The following EVC2 variants were observed in gnomAD, a reference collection of about 807,000 sequenced individuals.
The protein encoded by EVC2 is limbin.
Under a neutral mutation model 149.3 loss-of-function variants are expected in EVC2, and 148 were observed. That is an observed-to-expected ratio of 0.99 (90% CI 0.87 to 1.14). EVC2 has a LOEUF of 1.14. EVC2 is among the 50% of genes most tolerant of loss of function. The pLI is 0.00. For missense variants in EVC2, 1,854 were observed against 1,627.3 expected (o/e 1.14, Z -2.40); for synonymous variants, 776 against 649.9 (o/e 1.19, Z -2.95).
At chr4:5,628,273 T>C (rs563226596) in intron 12 of EVC2, among the ~76,000 whole-genome samples, 11 of 152,172 alleles carry the variant, frequency 7.2e-5, no homozygotes, top group Non-Finnish European at 1.3e-4. Flanking sequence ...GATTAGGTCA[T>C]GAGGGATCCA....
chr4:5,692,923 C>T (rs376418586), intron 3 of EVC2, among the ~76,000 whole-genome samples: 1 of 150,734 alleles, frequency 6.6e-6, no homozygotes, highest in African/African-American at 2.4e-5. Flanking sequence ...TGCCATTTTC[C>T]AAAGAACACG....
intron 21 of EVC2, among the ~76,000 whole-genome samples, chr4:5,552,703 C>T (rs192472737): frequency 6.6e-6 from 1 of 152,312 alleles, no homozygotes; most frequent in Non-Finnish European, 1.5e-5. Flanking sequence ...GGCTGCAGAT[C>T]AAGCAGGGGA....
chr4:5,641,873 C>T (rs532295512), intron 9 of EVC2, among the ~76,000 whole-genome samples: 2 of 152,242 alleles, frequency 1.3e-5, no homozygotes, highest in South Asian at 4.2e-4. Context: ...CTGCACCTAT[C>T]AACCCGATAT....
chr4:5,560,312 A>C (rs2108763347), downstream of EVC2, among the ~76,000 whole-genome samples: 1 of 152,262 alleles, frequency 6.6e-6, no homozygotes, highest in South Asian at 2.1e-4. This position sits in a 1 kb window ranked among gnomAD's most constrained non-coding sequence, Gnocchi z 4.1. Flanking sequence ...GCTGTAAGGA[A>C]ATACATGAGA....
chr4:5,551,768 G>T (rs559269856), intron 21 of EVC2, among the ~76,000 whole-genome samples: 2 of 152,298 alleles, frequency 1.3e-5, no homozygotes, highest in South Asian at 4.1e-4. Context: ...GGGACACGGT[G>T]GGAGGTAATT....
At chr4:5,707,496 G>A (rs1722287992) in intron 1 of EVC2, among the ~76,000 whole-genome samples, 1 of 152,100 alleles carries the variant, frequency 6.6e-6, no homozygotes, top group South Asian at 2.1e-4. Flanking sequence ...GGAGAGAAGA[G>A]TGCCAGCATG....
chr4:5,680,009 C>T (rs561079544), intron 7 of EVC2, among the ~76,000 whole-genome samples: 2 of 152,160 alleles, frequency 1.3e-5, no homozygotes, highest in Non-Finnish European at 2.9e-5. Context: ...ACACATTAGC[C>T]TAGTCCTGCA....
chr4:5,690,894 T>C (rs1173608787), intron 4 of EVC2, among the ~76,000 whole-genome samples: 1 of 152,162 alleles, frequency 6.6e-6, no homozygotes, highest in Non-Finnish European at 1.5e-5. Flanking sequence ...ACAAGGATAA[T>C]ATGTGGGATT....
chr4:5,679,428 C>T lies in EVC2; in HGVS notation c.870+1832G>A, dbSNP rs1343329693. Among the ~76,000 whole-genome samples, 2 of 151,840 alleles carry T rather than the reference C, an allele frequency of 1.3e-5. No homozygotes were observed. Among genetic ancestry groups the T allele is most frequent in the Non-Finnish European group, 2.9e-5 (2 of 67,980 alleles). The stretch of plus-strand genomic sequence containing the variant: ...TTTTTTTTGTATTTTTAGTAAAGAC[C>T]GGTTTAGCCATGTTGGCCAGGCTGA... On this transcript the variant is annotated intron_variant, in intron 7 of 21. Coordinates refer to ENST00000344408, the MANE Select transcript of EVC2 (RefSeq NM_147127.5). This position sits in a 1 kb window ranked among gnomAD's most constrained non-coding sequence, Gnocchi z 5.1.
At chr4:5,652,288 G>T (rs1177015666) in intron 9 of EVC2, among the ~76,000 whole-genome samples, 2 of 152,192 alleles carry the variant, frequency 1.3e-5, no homozygotes, top group South Asian at 4.1e-4. Context: ...AGGAGAGGCT[G>T]CGTCAGGATG....
rs1336842347 is a variant in EVC2, at chr4:5,696,234, C to T, written c.283+1359G>A. On this transcript the variant is annotated intron_variant, in intron 2 of 21. Transcript: ENST00000344408. This position sits in a 1 kb window ranked among gnomAD's most constrained non-coding sequence, Gnocchi z 4.1. Reference sequence around the variant, plus strand: ...TAAGGCCACACCTTACCCTTAAGCGCTCCATCTCTGGTCCACCCGTTTATG... The same window carrying T: ...TAAGGCCACACCTTACCCTTAAGCGTTCCATCTCTGGTCCACCCGTTTATG... 6.6e-6 allele frequency among the ~76,000 whole-genome samples: 1 copy of T among 152,216 alleles called. No homozygotes were observed. Among genetic ancestry groups the T allele is most frequent in the Non-Finnish European group, 1.5e-5 (1 of 68,042 alleles).
intron 16 of EVC2, among the ~76,000 whole-genome samples, chr4:5,592,443 T>A (rs1300368311): frequency 6.6e-6 from 1 of 152,144 alleles, no homozygotes; most frequent in Non-Finnish European, 1.5e-5. Context: ...AGGTAACTAG[T>A]CAGATGTGAG....
At chr4:5,584,479 A>C in intron 17 of EVC2, 144 bp downstream of exon 17, 1 of 824,976 alleles carries the variant, frequency 1.2e-6, no homozygotes, top group Non-Finnish European at 2.0e-6. Flanking sequence ...GTACTCTCCA[A>C]TATGTCACTT....
At chr4:5,593,643 G>A (rs1030482886) in intron 16 of EVC2, among the ~76,000 whole-genome samples, 32 of 152,162 alleles carry the variant, frequency 2.1e-4, no homozygotes, top group Admixed American at 1.9e-3. Flanking sequence ...CGTGAGCGAC[G>A]CACAAGATGG....
intron 21 of EVC2, among the ~76,000 whole-genome samples, chr4:5,547,227 C>A (rs994844962): frequency 6.6e-6 from 1 of 152,272 alleles, no homozygotes; most frequent in Non-Finnish European, 1.5e-5. Flanking sequence ...ACATGCCAGC[C>A]CCCCACTGCC....
chr4:5,540,468 A>C (rs1462966859), downstream of EVC2, among the ~76,000 whole-genome samples: 2 of 152,244 alleles, frequency 1.3e-5, no homozygotes, highest in East Asian at 1.9e-4. Context: ...TGTATGGTAC[A>C]TCCATACTGC....
intron 11 of EVC2, among the ~76,000 whole-genome samples, chr4:5,631,076 G>A (rs1438390537): frequency 2.0e-5 from 3 of 152,158 alleles, no homozygotes; most frequent in African/African-American, 7.2e-5. Flanking sequence ...GTTTCAGATA[G>A]ACTGTTTTCA....
intron 1 of EVC2, among the ~76,000 whole-genome samples, chr4:5,700,355 T>C (rs927165430): frequency 9.2e-5 from 14 of 151,898 alleles, no homozygotes; most frequent in Admixed American, 2.6e-4. Flanking sequence ...CATTGGATGG[T>C]GCACCGAACT....
chr4:5,665,720 T>C (rs1719236049), intron 7 of EVC2, 71 bp from the exon 8 acceptor site: 1 of 1,587,920 alleles, frequency 6.3e-7, no homozygotes, highest in Non-Finnish European at 8.6e-7. Flanking sequence ...CACAGATGAT[T>C]GAGTGTCAGA....
Sources: allele counts gnomAD v4.1 joint callset (sites outside exome capture counted in the v4.1 genomes callset), GRCh38; gene constraint gnomAD v4.1.1; non-coding constraint Gnocchi (gnomAD v3.1); transcripts MANE v1.5; gene names NCBI Gene and HGNC (gene_info 2026-07-23, HGNC 2026-07-21).